The following H2BC4 variants were observed in gnomAD, a reference collection of about 807,000 sequenced individuals.
The protein encoded by H2BC4 is histone H2B type 1-C/E/F/G/I.
H2BC4 carries 10 observed loss-of-function variants against 6.2 expected under a neutral mutation model. The observed-to-expected ratio is 1.61, with a 90% CI of 0.99 to 2.73. The LOEUF is 2.73. Among genes scored for constraint, H2BC4 ranks in the 30% most tolerant of loss-of-function variants. The pLI, the probability that H2BC4 is intolerant of heterozygous loss-of-function variation, is 0.00. For synonymous variants in H2BC4, 146 were observed against 70.7 expected, an observed-to-expected ratio of 2.07 and a Z score of -5.35; for missense variants, 176 against 168.7, an observed-to-expected ratio of 1.04 and a Z score of -0.24.
chr6:26,123,560 G>A lies in H2BC4; in HGVS notation c.345C>T (p.Gly115=). Residue 115 remains glycine, a synonymous_variant, in exon 1 of 1, where the codon GGC becomes GGT. Coordinates refer to ENST00000396984, the MANE Select transcript of H2BC4 (RefSeq NM_003526.3). ...GELAKHAVSE[G]TKAVTKYTSS... ...TGGTGTACTTGGTGACGGCCTTGGT[G>A]CCCTCCGACACGGCGTGCTTGGCCA... The A allele has an allele frequency of 6.2e-7, 1 of 1,614,254 alleles. No individual in the cohort carries two copies. Among genetic ancestry groups the A allele is most frequent in the South Asian group, 1.1e-5 (1 of 91,090 alleles).
chr6:26,117,546 CATG>C (rs942910830), intron 1 of H2BC4, among the ~76,000 whole-genome samples: 5 of 152,188 alleles, frequency 3.3e-5, no homozygotes, highest in African/African-American at 1.2e-4. Flanking sequence ...ATTTTACTAG[CATG>C]ATACCACGTC....
downstream of H2BC4, among the ~76,000 whole-genome samples, chr6:26,122,927 T>A (rs999991292): frequency 6.6e-6 from 1 of 152,144 alleles, no homozygotes. Flanking sequence ...GCATATTAGG[T>A]TAAAAGACTA....
chr6:26,115,640 A>G (rs1763408802), intron 1 of H2BC4, among the ~76,000 whole-genome samples: 1 of 151,976 alleles, frequency 6.6e-6, no homozygotes, highest in Admixed American at 6.6e-5. Flanking sequence ...CCCTGAGCAC[A>G]CTCTCTAAAC....
chr6:26,119,721 GTATAC>G (rs60684220), downstream of H2BC4, among the ~76,000 whole-genome samples: 1,363 of 151,600 alleles, frequency 9.0e-3, 21 homozygotes, highest in African/African-American at 0.03. Flanking sequence ...CTAAACTTGT[GTATAC>G]TATAATATTC....
rs543502862 is a variant in H2BC4, at chr6:26,116,666, C to T, written c.*10-1531G>A. 2.6e-4 allele frequency among the ~76,000 whole-genome samples: 39 copies of T among 152,200 alleles called. No homozygotes were observed. In the South Asian group the frequency reaches 7.7e-3, roughly 30 times the overall value. On this transcript the variant is annotated intron_variant, in intron 1 of 1. Coordinates refer to the H2BC4 transcript ENST00000314332. ...AATGAGATGCGATTGCGCCACTACA[C>T]TCCAGCCTGGCAGCCTGGGCAACAA...
chr6:26,117,893 G>A (rs1763445122), intron 1 of H2BC4, among the ~76,000 whole-genome samples: 1 of 152,156 alleles, frequency 6.6e-6, no homozygotes, highest in African/African-American at 2.4e-5. Flanking sequence ...AACCAAGAAT[G>A]TTAAAAGAAA....
At chr6:26,118,141 TG>T (rs1763448329) in intron 1 of H2BC4, among the ~76,000 whole-genome samples, 1 of 152,222 alleles carries the variant, frequency 6.6e-6, no homozygotes, top group South Asian at 2.1e-4. Context: ...TTTTGTTTTT[TG>T]TTTTTTTGAC....
downstream of H2BC4, chr6:26,114,818 G>C (rs965311317): frequency 5.9e-5 from 9 of 151,578 alleles, no homozygotes; most frequent in Non-Finnish European, 1.0e-4. Context: ...TACATGATGT[G>C]AGATATATGT....
At chr6:26,114,487 G>T (rs944497167), downstream of H2BC4, among the ~76,000 whole-genome samples, 1 of 151,832 alleles carries the variant, frequency 6.6e-6, no homozygotes, top group Non-Finnish European at 1.5e-5. Context: ...TATTATTTTG[G>T]GATTATAAAT....
At chr6:26,113,410 A>C (rs113558862), downstream of H2BC4, among the ~76,000 whole-genome samples, 326 of 152,320 alleles carry the variant, frequency 2.1e-3, 2 homozygotes, top group Non-Finnish European at 3.4e-3. Context: ...AAGATGAGGC[A>C]TTTGTCTCCT....
chr6:26,117,344 T>C (rs1763435449), intron 1 of H2BC4, among the ~76,000 whole-genome samples: 1 of 152,218 alleles, frequency 6.6e-6, no homozygotes, highest in South Asian at 2.1e-4. Flanking sequence ...GGATCTTTAA[T>C]CTTCACATAC....
downstream of H2BC4, among the ~76,000 whole-genome samples, chr6:26,113,219 T>C (rs1167170584): frequency 6.6e-6 from 1 of 152,256 alleles, no homozygotes; most frequent in Non-Finnish European, 1.5e-5. Flanking sequence ...TTACAGTCTA[T>C]CAGCAGTGCG....
At chr6:26,123,258 A>G (rs1311238982), downstream of H2BC4, 5 of 567,964 alleles carry the variant, frequency 8.8e-6, no homozygotes, top group African/African-American at 1.9e-5. Context: ...CCGAGTTAGC[A>G]AAATGGCCGC....
At chr6:26,121,088 G>A (rs1003143801), downstream of H2BC4, among the ~76,000 whole-genome samples, 2 of 152,142 alleles carry the variant, frequency 1.3e-5, no homozygotes, top group African/African-American at 4.8e-5. Flanking sequence ...AGTTTTGGAA[G>A]GTGGAAAGAG....
At position 26,123,714 on chromosome 6, in the gene H2BC4, T is replaced by C; in HGVS notation, c.191A>G (p.Asn64Ser). The part of the protein sequence containing the change: ...GISSKAMGIM[N>S]SFVNDIFERI... The stretch of plus-strand genomic sequence containing the variant: ...CTCAAATATGTCGTTAACGAAAGAA[T>C]TCATGATGCCCATGGCCTTGGAAGA... Residue 64 changes from asparagine (N) to serine (S), a missense_variant, in exon 1 of 1, where the codon AAT (asparagine) becomes AGT (serine). Coordinates refer to ENST00000396984, the MANE Select transcript of H2BC4 (RefSeq NM_003526.3). 1.2e-6 allele frequency: 2 copies of C among 1,614,272 alleles called. No individual in the cohort carries two copies. Among genetic ancestry groups the C allele is most frequent in the Non-Finnish European group, 1.7e-6 (2 of 1,180,050 alleles).
chr6:26,117,954 G>A (rs904964930), intron 1 of H2BC4, among the ~76,000 whole-genome samples: 1 of 152,144 alleles, frequency 6.6e-6, no homozygotes, highest in Non-Finnish European at 1.5e-5. Context: ...AAACACTTAA[G>A]ATTGGCTGTG....
chr6:26,119,808 C>A (rs1561953992), downstream of H2BC4, among the ~76,000 whole-genome samples: 1 of 89,302 alleles, frequency 1.1e-5, no homozygotes. Flanking sequence ...CCAATTTGTC[C>A]AAAAAAAATC....
intron 1 of H2BC4, among the ~76,000 whole-genome samples, chr6:26,117,155 T>C (rs1581410072): frequency 6.6e-6 from 1 of 152,172 alleles, no homozygotes; most frequent in Non-Finnish European, 1.5e-5. Flanking sequence ...CCGGTAAACA[T>C]ACTATGATCA....
rs146880453 is a variant in H2BC4, at chr6:26,123,593, G to C, written c.312C>G (p.Pro104=). The part of the protein sequence containing the change: ...EIQTAVRLLL[P]GELAKHAVSE... Reference sequence around the variant, plus strand: ...ACACGGCGTGCTTGGCCAGCTCTCCGGGAAGCAGCAGGCGCACGGCCGTCT... The same window carrying C: ...ACACGGCGTGCTTGGCCAGCTCTCCCGGAAGCAGCAGGCGCACGGCCGTCT... The change falls in exon 1 of 1, where the codon CCC becomes CCG. Residue 104 remains proline (P), a synonymous_variant. Transcript: ENST00000396984. The C allele has an allele frequency of 3.3e-5, 53 of 1,614,142 alleles. No homozygotes were observed. The Middle Eastern group carries it at 6.6e-4, about 20-fold the overall frequency.
Sources: gnomAD v4.1 joint callset for allele counts (sites outside exome capture counted in the v4.1 genomes callset) on GRCh38, gnomAD v4.1.1 for gene constraint, MANE v1.5 for transcripts, NCBI Gene and HGNC (gene_info 2026-07-23, HGNC 2026-07-21) for gene names.